Variants in LSM4 observed in about 807,000 individuals in gnomAD.
LSM4 encodes LSM4 homolog, U6 small nuclear RNA and mRNA degradation associated.
In LSM4, 15 loss-of-function variants were observed where a neutral mutation model predicts 22.3. The observed-to-expected ratio is 0.67, with a 90% CI of 0.45 to 1.03. The LOEUF (loss-of-function observed/expected upper bound fraction) is 1.03, where lower values mean the gene tolerates loss of function less well. LSM4 is among the 50% of genes least tolerant of loss of function. The pLI is 0.00. For missense variants in LSM4, 127 were observed against 198.0 expected (o/e 0.64, Z 2.15); for synonymous variants, 90 against 79.8 (o/e 1.13, Z -0.68).
At chr19:18,313,529 CTTTTA>C (rs1179224224) in intron 2 of LSM4, among the ~76,000 whole-genome samples, 1 of 152,136 alleles carries the variant, frequency 6.6e-6, no homozygotes, top group Non-Finnish European at 1.5e-5. Flanking sequence ...TTTTTGGTGT[CTTTTA>C]TGAGACAGGG....
At chr19:18,312,810 A>T (rs1267076763) in intron 2 of LSM4, 108 bp from the exon 3 acceptor site, 1 of 814,554 alleles carries the variant, frequency 1.2e-6, no homozygotes, top group East Asian at 2.5e-5. Flanking sequence ...TCCGGGCCTC[A>T]GCCCACAGTT....
intron 2 of LSM4, among the ~76,000 whole-genome samples, chr19:18,314,516 CAA>C (rs55809008): frequency 1.4e-5 from 2 of 141,176 alleles, no homozygotes; most frequent in East Asian, 2.0e-4. Flanking sequence ...GACTCCCTCT[CAA>C]AAAAAAAAAA....
intron 2 of LSM4, among the ~76,000 whole-genome samples, chr19:18,313,816 C>G (rs1188094389): frequency 6.6e-6 from 1 of 152,096 alleles, no homozygotes; most frequent in East Asian, 1.9e-4. Context: ...ACACTCAGTC[C>G]AAGCCTGAGA....
intron 2 of LSM4, among the ~76,000 whole-genome samples, chr19:18,315,220 C>T (rs1032783135): frequency 1.3e-5 from 2 of 152,020 alleles, no homozygotes; most frequent in East Asian, 1.9e-4. Flanking sequence ...TGTCACCCAG[C>T]GACCTGCAAC....
At chr19:18,317,450 A>G (rs991585911) in intron 1 of LSM4, among the ~76,000 whole-genome samples, 1 of 151,026 alleles carries the variant, frequency 6.6e-6, no homozygotes, top group Non-Finnish European at 1.5e-5. Flanking sequence ...CTCCTGCCTC[A>G]GCCTCCCGAG....
At chr19:18,321,457 G>C (rs1360818149) in intron 1 of LSM4, among the ~76,000 whole-genome samples, 1 of 152,106 alleles carries the variant, frequency 6.6e-6, no homozygotes. Flanking sequence ...CGCCATCTTT[G>C]CTTATTCCTA....
chr19:18,321,040 C>G (rs906738730), intron 1 of LSM4, among the ~76,000 whole-genome samples: 4 of 152,236 alleles, frequency 2.6e-5, no homozygotes, highest in Non-Finnish European at 5.9e-5. Flanking sequence ...GCCACTCCTT[C>G]TGGCCCTGCC....
At chr19:18,319,528 C>T (rs1970400628) in intron 1 of LSM4, among the ~76,000 whole-genome samples, 1 of 152,204 alleles carries the variant, frequency 6.6e-6, no homozygotes. Flanking sequence ...TGCCACTGCA[C>T]TCCAGCCTGG....
chr19:18,309,518 C>T (rs1352542462), intron 4 of LSM4, 160 bp downstream of exon 4: 1 of 723,622 alleles, frequency 1.4e-6, no homozygotes, highest in Non-Finnish European at 2.2e-6. Flanking sequence ...TCTCGGGGCT[C>T]CTCTGCCTGG....
At chr19:18,307,801 A>G (rs1970247439) in intron 4 of LSM4, among the ~76,000 whole-genome samples, 1 of 147,042 alleles carries the variant, frequency 6.8e-6, no homozygotes, top group South Asian at 2.2e-4. Flanking sequence ...GGGGGGGACT[A>G]GGCGACAGAG....
At chr19:18,313,744 G>C (rs534802026) in intron 2 of LSM4, among the ~76,000 whole-genome samples, 1 of 152,162 alleles carries the variant, frequency 6.6e-6, no homozygotes, top group Non-Finnish European at 1.5e-5. Flanking sequence ...CCAAACTCCT[G>C]GGCTCAAGTG....
chr19:18,317,535 G>T (rs1970370044), intron 1 of LSM4, among the ~76,000 whole-genome samples: 1 of 151,870 alleles, frequency 6.6e-6, no homozygotes, highest in Admixed American at 6.6e-5. Flanking sequence ...TTTTAGTAGA[G>T]ACAGGGTTTC....
At position 18,309,741 on chromosome 19, in the gene LSM4, C is replaced by T. The variant is rs760630076; in HGVS notation, c.265G>A (p.Gly89Ser). 10 of 1,613,332 alleles carry T rather than the reference C, an allele frequency of 6.2e-6. No individual in the cohort carries two copies. Among genetic ancestry groups the T allele is most frequent in the East Asian group, 4.5e-5 (2 of 44,878 alleles). The change falls in exon 4 of 5, where the codon GGC (glycine) becomes AGC (serine). Residue 89 changes from glycine (G) to serine (S), a missense_variant. Coordinates refer to ENST00000593829, the MANE Select transcript of LSM4 (RefSeq NM_012321.5). ...TTCTGCTGCTGCAGGCCTCCGCGGC[C>T]GCGGCCCTTGGCCACCACCTCCTCC... ...VKEEVVAKGR[G>S]RGGLQQQKQQ...
At chr19:18,316,336 AATT>A in intron 1 of LSM4, 2 of 236,560 alleles carry the variant, frequency 8.5e-6, no homozygotes, top group Non-Finnish European at 7.8e-6. Context: ...CACTCTGGTC[AATT>A]TTTTTTTTTT....
rs201508897 is a variant in LSM4 at position 18,319,634 on chromosome 19, C to T, written c.3+3384G>A. Among the ~76,000 whole-genome samples the T allele has an allele frequency of 1.4e-4, 22 of 152,310 alleles. No individual in the cohort carries two copies. In the East Asian group the frequency reaches 3.3e-3, roughly 23 times the overall value. ...CCACTCTCACAACACTCCTCAGGCC[C>T]GCTATAGAGTCAAGGCAGACAGGCT... On this transcript the variant is annotated intron_variant, in intron 1 of 4. Transcript: ENST00000593829.
At chr19:18,310,026 G>T (rs1158240478) in intron 3 of LSM4, 165 bp from the exon 4 acceptor site, 2 of 648,426 alleles carry the variant, frequency 3.1e-6, no homozygotes, top group Admixed American at 3.1e-5. Context: ...CCACCCTGCA[G>T]GCAGGATCTG....
chr19:18,317,335 CTTTT>C (rs61470544), intron 1 of LSM4, among the ~76,000 whole-genome samples: 5 of 137,034 alleles, frequency 3.6e-5, no homozygotes, highest in Non-Finnish European at 6.3e-5. Context: ...ACTGGGTTTT[CTTTT>C]TTTTTTTTTT....
intron 2 of LSM4, among the ~76,000 whole-genome samples, chr19:18,314,786 C>T (rs915376210): frequency 8.6e-5 from 13 of 151,990 alleles, no homozygotes; most frequent in Admixed American, 2.0e-4. Context: ...TTTGTGGAGA[C>T]GGAAATGTTC....
intron 4 of LSM4, 37 bp from the exon 5 acceptor site, chr19:18,307,592 G>GT (rs753497257): frequency 3.2e-5 from 45 of 1,424,702 alleles, no homozygotes; most frequent in Non-Finnish European, 4.0e-5. Context: ...GCAGAGCCAG[G>GT]TGGGTGGGAC....
Sources: allele counts gnomAD v4.1 joint callset (sites outside exome capture counted in the v4.1 genomes callset), GRCh38; gene constraint gnomAD v4.1.1; transcripts MANE v1.5; gene names NCBI Gene and HGNC (gene_info 2026-07-23, HGNC 2026-07-21).